Variants in KCNMA1 observed in about 807,000 individuals in gnomAD.
KCNMA1 encodes Calcium-activated potassium channel subunit alpha-1.
In KCNMA1, 29 loss-of-function variants were observed where a neutral mutation model predicts 140.0. That is an observed-to-expected ratio of 0.21 (90% CI 0.15 to 0.28). The LOEUF is 0.28. KCNMA1 is among the 10% of genes least tolerant of loss of function. The pLI, the probability that KCNMA1 is intolerant of heterozygous loss-of-function variation, is 1.00. For synonymous variants in KCNMA1, 612 were observed against 611.9 expected (o/e 1.00, Z 0.00); for missense variants, 880 against 1,602.2 (o/e 0.55, Z 7.70).
Position 77,572,569 on chromosome 10 carries a change from C to CATATATATATATATATATATAT in KCNMA1, c.378+64674_378+64695dup, listed in dbSNP as rs56706119. Among the ~76,000 whole-genome samples the CATATATATATATATATATATAT allele has an allele frequency of 5.9e-3, 220 of 37,532 alleles. 5 individuals are homozygous for CATATATATATATATATATATAT. Among genetic ancestry groups the CATATATATATATATATATATAT allele is most frequent in the Non-Finnish European group, 7.4e-3 (155 of 21,036 alleles). 24.6% of individuals were successfully genotyped at this position (37,532 alleles called of 152,430 possible). A position where few individuals can be genotyped will look rare whatever the true frequency, so the allele number is the denominator to read the frequency against. ...TGTCGCTCCAAAAAAAAAAAAAATCCATATATATATATATATATATATATA... is the reference window on the plus strand; with the variant it reads ...TGTCGCTCCAAAAAAAAAAAAAATCCATATATATATATATATATATATATATATATATATATATATATATATA... On this transcript the variant is annotated intron_variant, in intron 1 of 27. Transcript: ENST00000286628.
At chr10:77,429,968 A>G (rs973092286) in intron 1 of KCNMA1, among the ~76,000 whole-genome samples, 7 of 152,160 alleles carry the variant, frequency 4.6e-5, no homozygotes, top group African/African-American at 1.7e-4. Flanking sequence ...TCTCTTACAC[A>G]AATGATTTAG....
chr10:77,300,659 G>A (rs617963), intron 2 of KCNMA1, among the ~76,000 whole-genome samples: 69,348 of 151,976 alleles, frequency 0.46, 17,404 homozygotes, highest in Non-Finnish European at 0.57. Context: ...AAGAAAATAT[G>A]GTCTTTTAAT....
intron 19 of KCNMA1, among the ~76,000 whole-genome samples, chr10:76,992,289 A>G (rs1732469642): frequency 1.3e-5 from 2 of 152,220 alleles, no homozygotes; most frequent in Admixed American, 1.3e-4. Context: ...GTCTCCTCAG[A>G]ATAAAAATCT....
At chr10:76,961,112 G>A (rs991214410) in intron 20 of KCNMA1, among the ~76,000 whole-genome samples, 3 of 151,010 alleles carry the variant, frequency 2.0e-5, no homozygotes, top group Admixed American at 1.3e-4. Flanking sequence ...ATGAATCTGG[G>A]CAAAATAAAT....
At chr10:76,969,881 G>T in intron 20 of KCNMA1, 93 bp downstream of exon 20, 1 of 972,378 alleles carries the variant, frequency 1.0e-6, no homozygotes, top group Non-Finnish European at 1.7e-6. Flanking sequence ...TGCTGGGGAG[G>T]GGAGACTCTG....
intron 2 of KCNMA1, among the ~76,000 whole-genome samples, chr10:77,403,569 T>C (rs1208338935): frequency 1.3e-5 from 2 of 152,100 alleles, no homozygotes; most frequent in Non-Finnish European, 2.9e-5. Context: ...TCCAAGATGA[T>C]GGAGGGTGTG....
chr10:77,150,375 A>T (rs903144633), intron 5 of KCNMA1, among the ~76,000 whole-genome samples: 5 of 152,148 alleles, frequency 3.3e-5, no homozygotes, highest in African/African-American at 1.2e-4. Context: ...AACAGGCATA[A>T]ATTTCAAACC....
chr10:77,333,859 A>C (rs1312520823), intron 2 of KCNMA1, among the ~76,000 whole-genome samples: 1 of 152,206 alleles, frequency 6.6e-6, no homozygotes, highest in Non-Finnish European at 1.5e-5. Flanking sequence ...CCTGCTTCTG[A>C]GAGTAAGCTG....
chr10:77,396,024 T>C (rs2096038891), intron 2 of KCNMA1, among the ~76,000 whole-genome samples: 1 of 152,194 alleles, frequency 6.6e-6, no homozygotes, highest in Admixed American at 6.5e-5. Context: ...GATTTCAGTA[T>C]CTATGCATGG....
At chr10:76,889,343 G>T (rs1265241899) in intron 27 of KCNMA1, 108 bp downstream of exon 27, 3 of 772,446 alleles carry the variant, frequency 3.9e-6, no homozygotes, top group Non-Finnish European at 4.6e-6. Context: ...AGAGTAATTT[G>T]CATGTTGAGG....
intron 1 of KCNMA1, among the ~76,000 whole-genome samples, chr10:77,443,006 CTTGT>C (rs1461855003): frequency 2.6e-5 from 4 of 152,328 alleles, no homozygotes; most frequent in Non-Finnish European, 1.5e-5. Flanking sequence ...CTTCCTAATG[CTTGT>C]TTGTTTTTTC....
chr10:77,188,794 T>C (rs185249459), intron 3 of KCNMA1, among the ~76,000 whole-genome samples: 4 of 152,268 alleles, frequency 2.6e-5, no homozygotes, highest in East Asian at 1.9e-4. Context: ...TAAGAACTTA[T>C]CTTTTCAGAG....
chr10:77,368,205 G>A (rs900414508), intron 2 of KCNMA1, among the ~76,000 whole-genome samples: 1 of 152,016 alleles, frequency 6.6e-6, no homozygotes, highest in Admixed American at 6.6e-5. Context: ...ATCACTACTT[G>A]GTATTGTTGG....
intron 10 of KCNMA1, among the ~76,000 whole-genome samples, chr10:77,088,849 A>G (rs777144988): frequency 3.3e-5 from 5 of 152,246 alleles, no homozygotes; most frequent in Non-Finnish European, 7.3e-5. Context: ...GGGTAATACC[A>G]TAGACTGATG....
chr10:76,904,798 C>A (rs74139859), intron 25 of KCNMA1: 5,208 of 152,364 alleles, frequency 0.034, 292 homozygotes, highest in African/African-American at 0.12. Context: ...AGCAAGTGAC[C>A]GGAAGGCCAA....
rs115492878 is a variant in KCNMA1 at position 77,274,271 on chromosome 10, T to C, written c.541-23015A>G. ...GGCAGAATTAGTCATGTATCACACA[T>C]GACTAAAATGCAAGACTCTCCCAGA... On this transcript the variant is annotated intron_variant, in intron 2 of 27. Coordinates refer to ENST00000286628, the MANE Select transcript of KCNMA1 (RefSeq NM_001161352.2). Among the ~76,000 whole-genome samples the C allele has an allele frequency of 5.3e-3, 808 of 152,186 alleles. 3 individuals carry two copies. Among genetic ancestry groups the C allele is most frequent in the African/African-American group, 0.019 (769 of 41,540 alleles).
chr10:77,619,312 CTG>C (rs2090606828), intron 1 of KCNMA1, among the ~76,000 whole-genome samples: 2 of 75,702 alleles, frequency 2.6e-5, no homozygotes, highest in African/African-American at 1.2e-4. Context: ...CTCTGTCTGT[CTG>C]TCTCTCTCTC....
intron 3 of KCNMA1, among the ~76,000 whole-genome samples, chr10:77,195,795 A>G (rs913405324): frequency 6.6e-6 from 1 of 151,996 alleles, no homozygotes; most frequent in Non-Finnish European, 1.5e-5. Context: ...CTGAAAATAC[A>G]AAAATTAGCT....
At chr10:77,188,218 A>G (rs2098896734) in intron 3 of KCNMA1, among the ~76,000 whole-genome samples, 1 of 152,048 alleles carries the variant, frequency 6.6e-6, no homozygotes, top group Non-Finnish European at 1.5e-5. Context: ...ACAGACTTAG[A>G]TTTCCAGTCT....
Sources: allele counts gnomAD v4.1 joint callset (sites outside exome capture counted in the v4.1 genomes callset), GRCh38; gene constraint gnomAD v4.1.1; transcripts MANE v1.5; gene names NCBI Gene and HGNC (gene_info 2026-07-23, HGNC 2026-07-21).